NKTR: variants seen among roughly 807,000 people sequenced by gnomAD.
NKTR encodes natural killer cell triggering receptor.
In NKTR, 67 loss-of-function variants were observed where a neutral mutation model predicts 156.3. The observed-to-expected ratio is 0.43, with a 90% CI of 0.35 to 0.53. The LOEUF (loss-of-function observed/expected upper bound fraction) is 0.53. Among genes scored for constraint, NKTR ranks in the 20% least tolerant of loss-of-function variants. The pLI, the probability that NKTR is intolerant of heterozygous loss-of-function variation, is 0.01. For missense variants in NKTR, 1,604 were observed against 1,730.9 expected, an observed-to-expected ratio of 0.93 and a Z score of 1.30; for synonymous variants, 640 against 596.6, an observed-to-expected ratio of 1.07 and a Z score of -1.06.
intron 2 of NKTR, among the ~76,000 whole-genome samples, chr3:42,608,880 C>A (rs1292321290): frequency 1.3e-5 from 2 of 152,126 alleles, no homozygotes; most frequent in Non-Finnish European, 2.9e-5. Context: ...AATCCCAGCA[C>A]TTTGGGAGGC....
chr3:42,613,287 A>C (rs1462608147), intron 2 of NKTR, among the ~76,000 whole-genome samples: 1 of 152,150 alleles, frequency 6.6e-6, no homozygotes, highest in Admixed American at 6.5e-5. Context: ...ACAACAGTAT[A>C]TAGTACTGTT....
At chr3:42,632,561 T>C in intron 8 of NKTR, 40 bp from the exon 9 acceptor site, 1 of 1,293,406 alleles carries the variant, frequency 7.7e-7, no homozygotes, top group Non-Finnish European at 1.1e-6. Flanking sequence ...AGGTAGGCAC[T>C]GAATTTAGTA....
At chr3:42,629,430 C>A in intron 6 of NKTR, 1 of 947,402 alleles carries the variant, frequency 1.1e-6, no homozygotes, top group Non-Finnish European at 1.3e-6. Context: ...TAAGTATAAG[C>A]ATTACAAATC....
intron 2 of NKTR, among the ~76,000 whole-genome samples, chr3:42,616,330 TTTC>T (rs1310871243): frequency 6.6e-6 from 1 of 152,138 alleles, no homozygotes; most frequent in Non-Finnish European, 1.5e-5. Flanking sequence ...CAGAATTACG[TTTC>T]TTATTTTATT....
At chr3:42,601,228 C>T (rs538913320) in intron 2 of NKTR, 164 bp downstream of exon 2, 3 of 532,518 alleles carry the variant, frequency 5.6e-6, no homozygotes, top group East Asian at 3.5e-5. Flanking sequence ...GGAAGGTGGC[C>T]TGGGCACACC....
At chr3:42,644,069 G>A (rs1710152329) in intron 16 of NKTR, 66 bp downstream of exon 16, 1 of 942,780 alleles carries the variant, frequency 1.1e-6, no homozygotes, top group East Asian at 2.5e-5. Context: ...GATGTGGGAG[G>A]GTGATGGGCT....
At chr3:42,609,756 C>T (rs1706582396) in intron 2 of NKTR, among the ~76,000 whole-genome samples, 2 of 152,104 alleles carry the variant, frequency 1.3e-5, no homozygotes, top group South Asian at 4.1e-4. Context: ...TTTTATAGAT[C>T]CTATACTCTT....
Position 42,620,251 on chromosome 3 carries a change from A to G in NKTR, c.286+543A>G, listed in dbSNP as rs534849249. The G allele has an allele frequency of 9.5e-5, 120 of 1,258,350 alleles. No homozygotes were observed. The African/African-American group carries it at 1.8e-3, about 18-fold the overall frequency. The allele number at this position is 1,258,350 out of a possible 1,614,324, so 77.9% of individuals were successfully genotyped here. ...AATTTCACATCAGAGAAAAGAGTCTAGTTGTGGGGTTTTTTTTCCCCTAAA... is the reference window on the plus strand; with the variant it reads ...AATTTCACATCAGAGAAAAGAGTCTGGTTGTGGGGTTTTTTTTCCCCTAAA... On this transcript the variant is annotated intron_variant, in intron 5 of 16. Transcript: ENST00000232978.
At chr3:42,628,698 T>C in intron 6 of NKTR, 1 of 985,378 alleles carries the variant, frequency 1.0e-6, no homozygotes, top group Non-Finnish European at 1.2e-6. Context: ...GTAGAAAAAT[T>C]TACTTTTTTA....
chr3:42,639,657 G>C lies in NKTR; in HGVS notation c.3953G>C (p.Arg1318Pro), dbSNP rs1434684415. 6.8e-6 allele frequency: 11 copies of C among 1,614,030 alleles called. No homozygotes were observed. The highest frequency in any genetic ancestry group is 8.5e-6 in the Non-Finnish European group (10 of 1,179,936). Residue 1318 changes from arginine (R) to proline (P), a missense_variant, in exon 13 of 17, where the codon CGA becomes CCA. This residue lies in a region of NKTR where 193 missense variants were observed against 220.2 expected (regional missense o/e 0.88). Coordinates refer to ENST00000232978, the MANE Select transcript of NKTR (RefSeq NM_005385.4). The part of the protein sequence containing the change: ...DSQSRSPSRS[R>P]SKSETKSRHR... ...CAGTCCAGGAGTCCAAGTAGATCTC[G>C]AAGTAAATCTGAAACCAAATCAAGA...
At chr3:42,634,726 T>C in intron 11 of NKTR, 26 bp downstream of exon 11, 2 of 1,309,106 alleles carry the variant, frequency 1.5e-6, no homozygotes, top group Middle Eastern at 1.9e-4. Flanking sequence ...CTTTTTTTGA[T>C]ATTATGTATC....
chr3:42,601,355 T>A, intron 2 of NKTR: 1 of 279,186 alleles, frequency 3.6e-6, no homozygotes, highest in Non-Finnish European at 6.8e-6. Flanking sequence ...CTTTGAGGAC[T>A]TTTTCTCTCC....
At chr3:42,604,363 A>T (rs1705963940) in intron 2 of NKTR, among the ~76,000 whole-genome samples, 1 of 148,492 alleles carries the variant, frequency 6.7e-6, no homozygotes, top group African/African-American at 2.4e-5. Flanking sequence ...TGAAGCATAG[A>T]TTGTTGATTT....
rs755623997 is a variant in NKTR, at chr3:42,642,587, A to G, written c.4133A>G (p.Lys1378Arg). 6.2e-7 allele frequency: 1 copy of G among 1,613,754 alleles called. No individual in the cohort carries two copies. The highest frequency in any genetic ancestry group is 8.5e-7 in the Non-Finnish European group (1 of 1,179,634). ...CGGAGCAGTTCCTACCGGAGTTACA[A>G]AAGTCACAGGTGAGCTTGTGATCTC... ...RSRSSSYRSY[K>R]SHRTSSRSRS... The change falls in exon 14 of 17, where the codon AAA becomes AGA. Residue 1378 changes from lysine (K) to arginine (R), a missense_variant. This residue lies in a region of NKTR where 193 missense variants were observed against 220.2 expected (regional missense o/e 0.88). Transcript: ENST00000232978.
chr3:42,636,036 C>T (rs1244623761), intron 12 of NKTR, among the ~76,000 whole-genome samples: 1 of 152,190 alleles, frequency 6.6e-6, no homozygotes, highest in Non-Finnish European at 1.5e-5. Context: ...CTGTTGATCG[C>T]AGAGACTTGC....
chr3:42,630,767 A>G (rs1180120061), intron 7 of NKTR, 192 bp downstream of exon 7: 14 of 1,393,332 alleles, frequency 1.0e-5, no homozygotes, highest in Admixed American at 3.3e-5. Flanking sequence ...GAAGGAGTCA[A>G]TCTGTGCTCA....
rs773330625 is a variant in NKTR at position 42,646,136 on chromosome 3, T to C, written c.*161T>C. 2.2e-4 allele frequency: 107 copies of C among 476,830 alleles called. 1 individual carries two copies. The highest frequency in any genetic ancestry group is 5.4e-5 in the Non-Finnish European group (14 of 259,790). 29.5% of individuals were successfully genotyped at this position (476,830 alleles called of 1,614,324 possible). A position where few individuals can be genotyped will look rare whatever the true frequency, so the allele number is the denominator to read the frequency against. ...TCATTTACATGTGGGGAGAAGAATT[T>C]AAAATACAGATATGTCTCCTAAAAA... On this transcript the variant is annotated 3_prime_UTR_variant, in exon 17 of 17. Coordinates refer to ENST00000232978, the MANE Select transcript of NKTR (RefSeq NM_005385.4).
chr3:42,604,247 G>C (rs967934905), intron 2 of NKTR, among the ~76,000 whole-genome samples: 4 of 152,046 alleles, frequency 2.6e-5, no homozygotes, highest in African/African-American at 9.7e-5. Flanking sequence ...ACCAGATTTT[G>C]ATCTGATTGA....
intron 8 of NKTR, 40 bp downstream of exon 8, chr3:42,631,356 G>A: frequency 1.2e-6 from 2 of 1,603,554 alleles, no homozygotes; most frequent in Non-Finnish European, 1.7e-6. Flanking sequence ...TAAGATGCAG[G>A]TAAAGCATTG....
Sources: allele counts gnomAD v4.1 joint callset (sites outside exome capture counted in the v4.1 genomes callset), GRCh38; gene constraint gnomAD v4.1.1; regional missense constraint gnomAD v4.1.1; transcripts MANE v1.5; gene names NCBI Gene and HGNC (gene_info 2026-07-23, HGNC 2026-07-21).